The following TMEM154 variants were observed in gnomAD, a reference collection of about 807,000 sequenced individuals.
The protein encoded by TMEM154 is transmembrane protein 154.
A neutral mutation model predicts 24.5 loss-of-function variants in TMEM154; 27 were observed. That is an observed-to-expected ratio of 1.10 (90% confidence interval 0.81 to 1.52). The LOEUF (loss-of-function observed/expected upper bound fraction) is 1.52, where lower values mean the gene tolerates loss of function less well. Among genes scored for constraint, TMEM154 ranks in the 40% most tolerant of loss-of-function variants. The probability of loss-of-function intolerance (pLI) is 0.00; values close to 1 mark genes in which losing one functional copy is unlikely to be tolerated. For missense variants in TMEM154, 228 were observed against 213.4 expected (o/e 1.07, Z -0.43); for synonymous variants, 67 against 76.8 (o/e 0.87, Z 0.67).
rs1310086990 is a variant in TMEM154, at chr4:152,652,753, A to G, written c.239T>C (p.Val80Ala). Residue 80 changes from valine to alanine, a missense_variant, in exon 2 of 7, where the codon GTG becomes GCG. Physicochemically the swap from Val to Ala is moderately conservative, Grantham distance 64. Transcript: ENST00000304385. ...GACCAATAAAATCAATGGGATTAAC[A>G]CCATCAGTATAAACTCTAACTGATT... ...DENQLEFILM[V>A]LIPLILLVLL... The G allele has an allele frequency of 1.7e-5, 27 of 1,613,932 alleles. No individual in the cohort carries two copies. The highest frequency in any genetic ancestry group is 2.3e-5 in the Non-Finnish European group (27 of 1,179,968).
In TMEM154 at chr4:152,624,701, C is replaced by G. The variant is rs1027763661; in HGVS notation, c.*3845G>C. 1 of 152,040 alleles carries G rather than the reference C, an allele frequency of 6.6e-6. No homozygotes were observed. Among genetic ancestry groups the G allele is most frequent in the Non-Finnish European group, 1.5e-5 (1 of 68,002 alleles). The allele number at this position is 152,040 out of a possible 1,614,324, so 9.4% of individuals were successfully genotyped here. Reference sequence around the variant, plus strand: ...AGACAAGACAGTATCAAGATAAAGCCAAAGAGTTGCTAAAAACAAAAAATA... The same window carrying G: ...AGACAAGACAGTATCAAGATAAAGCGAAAGAGTTGCTAAAAACAAAAAATA... On this transcript the variant is annotated 3_prime_UTR_variant, in exon 7 of 7. Transcript: ENST00000304385.
chr4:152,646,142 G>A (rs1728218278), intron 3 of TMEM154, among the ~76,000 whole-genome samples: 1 of 150,998 alleles, frequency 6.6e-6, no homozygotes, highest in East Asian at 2.0e-4. Context: ...TTCCCCTGCT[G>A]AATAAACCCC....
At position 152,633,465 on chromosome 4, in the gene TMEM154, T is replaced by G. The variant is rs139643634; in HGVS notation, c.537-4904A>C. On this transcript the variant is annotated intron_variant, in intron 6 of 6. Coordinates refer to ENST00000304385, the MANE Select transcript of TMEM154 (RefSeq NM_152680.3). ...TGTCTTTTTGGCTATTTATTTTCTC[T>G]GTGGAATCATCAAATAAACCTAGAC... Among the ~76,000 whole-genome samples the G allele has an allele frequency of 4.4e-3, 675 of 152,358 alleles. 2 individuals carry two copies. The highest frequency in any genetic ancestry group is 0.016 in the African/African-American group (649 of 41,580).
intron 3 of TMEM154, among the ~76,000 whole-genome samples, chr4:152,647,602 T>C (rs1400141360): frequency 6.6e-6 from 1 of 152,250 alleles, no homozygotes; most frequent in East Asian, 1.9e-4. Flanking sequence ...GTAAGGATAA[T>C]GTACAAATTT....
rs539602787 is a variant in TMEM154, at chr4:152,647,984, G to A, written c.365-3542C>T. ...CTGTCACACAAGACAAATAAGACTA[G>A]CTCTTGGTTCTCCTGGACCTTAACG... On this transcript the variant is annotated intron_variant, in intron 3 of 6. Transcript: ENST00000304385. Among the ~76,000 whole-genome samples the A allele has an allele frequency of 3.3e-5, 5 of 152,134 alleles. No individual in the cohort carries two copies. In the East Asian group the frequency reaches 9.6e-4, roughly 29 times the overall value.
chr4:152,649,948 T>C (rs541164403), intron 3 of TMEM154, among the ~76,000 whole-genome samples: 1 of 152,380 alleles, frequency 6.6e-6, no homozygotes, highest in East Asian at 1.9e-4. Context: ...TGCAACATTG[T>C]GTCTACAGAG....
At chr4:152,647,601 A>G (rs1728282790) in intron 3 of TMEM154, among the ~76,000 whole-genome samples, 1 of 152,204 alleles carries the variant, frequency 6.6e-6, no homozygotes, top group African/African-American at 2.4e-5. Context: ...AGTAAGGATA[A>G]TGTACAAATT....
At chr4:152,657,575 G>T (rs111822695) in intron 1 of TMEM154, among the ~76,000 whole-genome samples, 1 of 152,106 alleles carries the variant, frequency 6.6e-6, no homozygotes, top group Admixed American at 6.5e-5. Context: ...CCCAAGTTTC[G>T]CAAGAGATTT....
At chr4:152,638,316 T>C (rs4696332) in intron 6 of TMEM154, among the ~76,000 whole-genome samples, 16,651 of 152,200 alleles carry the variant, frequency 0.11, 1,231 homozygotes, top group African/African-American at 0.21. Flanking sequence ...AGTGGACTAT[T>C]CTGAAATCAC....
rs12650650 is a variant in TMEM154, at chr4:152,647,282, T to C, written c.365-2840A>G. 3 of 984,348 alleles carry C rather than the reference T, an allele frequency of 3.0e-6. No individual in the cohort carries two copies. In the Admixed American group the frequency reaches 1.8e-4, roughly 61 times the overall value. The allele number at this position is 984,348 out of a possible 1,614,324, so 61.0% of individuals were successfully genotyped here. A position where few individuals can be genotyped will look rare whatever the true frequency, so the allele number is the denominator to read the frequency against. On this transcript the variant is annotated intron_variant, in intron 3 of 6. Coordinates refer to ENST00000304385, the MANE Select transcript of TMEM154 (RefSeq NM_152680.3). ...CTATAAAGCATTTCTGTGGGAGCTTTCCAAGCAAAACGCTGGTATGACCTT... is the reference window on the plus strand; with the variant it reads ...CTATAAAGCATTTCTGTGGGAGCTTCCCAAGCAAAACGCTGGTATGACCTT...
chr4:152,665,192 C>T (rs564517639), intron 1 of TMEM154, among the ~76,000 whole-genome samples: 1 of 152,286 alleles, frequency 6.6e-6, no homozygotes, highest in Non-Finnish European at 1.5e-5. Context: ...CCTGGGTAAT[C>T]GAGCAAGACC....
rs1211370264 is a variant in TMEM154, at chr4:152,652,823, T to A, written c.169A>T (p.Thr57Ser). The change falls in exon 2 of 7, where the codon ACA (threonine) becomes TCA (serine). Residue 57 changes from threonine (T) to serine (S), a missense_variant. By Grantham distance (58) the Thr-to-Ser change is moderately conservative. Transcript: ENST00000304385. ...STFAAVTIKE[T>S]LNANINSTNF... ...GTAGAATTTATATTTGCATTTAATGTTTCTTTGATGGTCACTGCAGCAAAT... is the reference window on the plus strand; with the variant it reads ...GTAGAATTTATATTTGCATTTAATGATTCTTTGATGGTCACTGCAGCAAAT... The A allele has an allele frequency of 6.2e-7, 1 of 1,614,078 alleles. No individual in the cohort carries two copies. Among genetic ancestry groups the A allele is most frequent in the East Asian group, 2.2e-5 (1 of 44,846 alleles).
rs1751810882 is a variant in TMEM154, at chr4:152,619,375, G to A, written c.*9171C>T. On this transcript the variant is annotated 3_prime_UTR_variant, in exon 7 of 7. Transcript: ENST00000304385. The stretch of plus-strand genomic sequence containing the variant: ...ATATATTTCCTCGATATTGCATGAA[G>A]ACACACCAATTTGGGCAGATCACAT... The A allele has an allele frequency of 6.6e-6, 1 of 152,178 alleles. No homozygotes were observed. The highest frequency in any genetic ancestry group is 1.5e-5 in the Non-Finnish European group (1 of 68,030). The allele number at this position is 152,178 out of a possible 1,614,324, so 9.4% of individuals were successfully genotyped here.
chr4:152,674,081 G>T (rs1031297279), intron 1 of TMEM154, among the ~76,000 whole-genome samples: 3 of 151,894 alleles, frequency 2.0e-5, no homozygotes, highest in African/African-American at 7.3e-5. Context: ...AACATAAAAG[G>T]CAATCTTTTA....
At position 152,668,277 on chromosome 4, in the gene TMEM154, C is replaced by T. The variant is rs201285029; in HGVS notation, c.64+11593G>A. The T allele has an allele frequency of 6.0e-5, 9 of 149,068 alleles. No individual in the cohort carries two copies. The East Asian group carries it at 1.7e-3, about 29-fold the overall frequency. The allele number at this position is 149,068 out of a possible 1,614,324, so 9.2% of individuals were successfully genotyped here. A position where few individuals can be genotyped will look rare whatever the true frequency, so the allele number is the denominator to read the frequency against. On this transcript the variant is annotated intron_variant, in intron 1 of 6. Transcript: ENST00000304385. ...TTCGTACCATCAATGAGATAAGCAA[C>T]ATGAAAGTGCTTTGAAATGAAAAAA...
At chr4:152,672,507 T>C (rs1000093515) in intron 1 of TMEM154, among the ~76,000 whole-genome samples, 24 of 152,240 alleles carry the variant, frequency 1.6e-4, no homozygotes, top group African/African-American at 5.5e-4. Context: ...ATGGGTCTTT[T>C]GGGTTTAGCT....
chr4:152,643,050 A>C (rs1350654193), intron 5 of TMEM154, 38 bp downstream of exon 5: 1 of 1,468,814 alleles, frequency 6.8e-7, no homozygotes, highest in Admixed American at 1.8e-5. Context: ...CTGTTACTAG[A>C]GAGGAAAGAA....
chr4:152,648,942 T>A (rs1235173356), intron 3 of TMEM154, among the ~76,000 whole-genome samples: 1 of 152,210 alleles, frequency 6.6e-6, no homozygotes, highest in African/African-American at 2.4e-5. Flanking sequence ...GAAAGAAGCC[T>A]CCATATGACC....
chr4:152,644,339 C>T (rs1489500679), intron 4 of TMEM154, 76 bp downstream of exon 4: 5 of 1,532,422 alleles, frequency 3.3e-6, no homozygotes, highest in Non-Finnish European at 3.6e-6. Flanking sequence ...AACAAAAACA[C>T]CTGAAAAGGC....
Sources: allele counts gnomAD v4.1 joint callset (sites outside exome capture counted in the v4.1 genomes callset), GRCh38; gene constraint gnomAD v4.1.1; transcripts MANE v1.5; gene names NCBI Gene and HGNC (gene_info 2026-07-23, HGNC 2026-07-21).